Variants in SORCS1 observed in about 807,000 individuals in gnomAD.
SORCS1 encodes VPS10 domain-containing receptor SorCS1.
In SORCS1, 60 loss-of-function variants were observed where a neutral mutation model predicts 146.1. The ratio of observed to expected loss-of-function variants is 0.41; its 90% CI spans 0.33 to 0.51. SORCS1 has a LOEUF of 0.51. Ranked by LOEUF, SORCS1 falls within the 20% of genes least tolerant of loss-of-function variation. The pLI is 0.21. For synonymous variants in SORCS1, 637 were observed against 584.0 expected (o/e 1.09, Z -1.31); for missense variants, 1,352 against 1,487.6 (o/e 0.91, Z 1.50).
chr10:107,083,539 A>C (rs926349807), intron 1 of SORCS1, among the ~76,000 whole-genome samples: 2 of 152,156 alleles, frequency 1.3e-5, no homozygotes, highest in Admixed American at 6.5e-5. Context: ...CATGGGTCAT[A>C]CTTTTTTTCT....
chr10:106,936,997 A>G (rs898992437), intron 2 of SORCS1, among the ~76,000 whole-genome samples: 1 of 152,160 alleles, frequency 6.6e-6, no homozygotes. Flanking sequence ...AAGTACTAAT[A>G]ACCCCATTTA....
chr10:106,798,083 C>T (rs1001031230), intron 3 of SORCS1, among the ~76,000 whole-genome samples: 1 of 152,068 alleles, frequency 6.6e-6, no homozygotes, highest in Non-Finnish European at 1.5e-5. Context: ...TCCTGGGGGG[C>T]AGATCTTCTC....
At chr10:106,769,223 C>T (rs962131047) in intron 4 of SORCS1, among the ~76,000 whole-genome samples, 2 of 152,258 alleles carry the variant, frequency 1.3e-5, no homozygotes, top group African/African-American at 4.8e-5. Flanking sequence ...CGGTGGCTCA[C>T]GCTTGTAATC....
intron 1 of SORCS1, among the ~76,000 whole-genome samples, chr10:107,130,520 G>C (rs2134627069): frequency 6.6e-6 from 1 of 152,326 alleles, no homozygotes; most frequent in Non-Finnish European, 1.5e-5. Context: ...AACTTATTTA[G>C]AGTTGTAAAA....
At chr10:106,905,993 A>T (rs1951893055) in intron 2 of SORCS1, among the ~76,000 whole-genome samples, 1 of 151,884 alleles carries the variant, frequency 6.6e-6, no homozygotes, top group African/African-American at 2.4e-5. Context: ...AATCTCATCT[A>T]CCTCACATCA....
chr10:106,755,859 C>T (rs573921612), intron 5 of SORCS1, among the ~76,000 whole-genome samples: 20 of 152,164 alleles, frequency 1.3e-4, no homozygotes, highest in East Asian at 7.7e-4. Flanking sequence ...CTGGGCATGG[C>T]GGCCCACACC....
At position 107,164,127 on chromosome 10, in the gene SORCS1, C is replaced by G. The variant is rs907115285; in HGVS notation, c.400G>C (p.Asp134His). 1 of 1,613,574 alleles carries G rather than the reference C, an allele frequency of 6.2e-7. No homozygotes were observed. The highest frequency in any genetic ancestry group is 8.5e-7 in the Non-Finnish European group (1 of 1,180,016). ...GTCCCAGGCTCCTGCTGCCCTCCAT[C>G]TCTTAGCACTCCCCGGGGGCTCCGA... ...ASRSPRGVLRDGGQQEPGTRE... is the reference protein window; with the variant it reads ...ASRSPRGVLRHGGQQEPGTRE... Residue 134 changes from aspartate (D) to histidine (H), a missense_variant, in exon 1 of 26, where the codon GAT becomes CAT. By Grantham distance (81) the Asp-to-His change is moderately conservative. This residue lies in a region of SORCS1 where 490 missense variants were observed against 489.1 expected (regional missense o/e 1.00). Transcript: ENST00000263054. The surrounding 1 kb of genome is among the most constrained non-coding windows in gnomAD (Gnocchi z 6.8).
At chr10:106,743,284 C>A (rs191891022) in intron 5 of SORCS1, among the ~76,000 whole-genome samples, 1 of 152,048 alleles carries the variant, frequency 6.6e-6, no homozygotes, top group Non-Finnish European at 1.5e-5. Context: ...GAAAGAGAAG[C>A]CAGAGAGAGG....
At chr10:106,667,842 C>T (rs765472335) in intron 16 of SORCS1, 40 bp from the exon 17 acceptor site, 1 of 1,486,336 alleles carries the variant, frequency 6.7e-7, no homozygotes, top group Non-Finnish European at 9.3e-7. Flanking sequence ...CACTAGGTGG[C>T]AAAATTACTG....
chr10:106,630,125 T>C (rs953194138), intron 18 of SORCS1, among the ~76,000 whole-genome samples: 3 of 152,074 alleles, frequency 2.0e-5, no homozygotes, highest in Admixed American at 6.5e-5. Flanking sequence ...CCACTTCCTG[T>C]GTCTTCAAGA....
chr10:106,809,958 C>T (rs180861632), intron 3 of SORCS1, among the ~76,000 whole-genome samples: 18 of 152,246 alleles, frequency 1.2e-4, no homozygotes, highest in African/African-American at 1.9e-4. Flanking sequence ...CAGTGGCCCA[C>T]GCCTGTAATC....
chr10:107,070,316 T>G (rs1962305037), intron 1 of SORCS1, among the ~76,000 whole-genome samples: 1 of 152,236 alleles, frequency 6.6e-6, no homozygotes, highest in Admixed American at 6.5e-5. Context: ...TTGGTGTACA[T>G]AGCTAGGAGT....
intron 1 of SORCS1, among the ~76,000 whole-genome samples, chr10:107,149,634 T>TTG (rs1968607755): frequency 6.6e-6 from 1 of 152,224 alleles, no homozygotes; most frequent in Non-Finnish European, 1.5e-5. Flanking sequence ...GCATTCTTGA[T>TTG]TGTGTGTGTT....
intron 2 of SORCS1, among the ~76,000 whole-genome samples, chr10:106,902,659 C>T (rs1267236009): frequency 1.3e-5 from 2 of 152,152 alleles, no homozygotes; most frequent in Non-Finnish European, 2.9e-5. Context: ...TTTTTATTTA[C>T]ATGTATAAAA....
intron 15 of SORCS1, 64 bp from the exon 16 acceptor site, chr10:106,671,431 A>G: frequency 6.3e-7 from 1 of 1,599,638 alleles, no homozygotes; most frequent in South Asian, 1.1e-5. Flanking sequence ...GCTCCACATG[A>G]GTGACATTTA....
At position 107,058,780 on chromosome 10, in the gene SORCS1, A is replaced by G. The variant is rs539570646; in HGVS notation, c.559-102200T>C. Among the ~76,000 whole-genome samples, 4 of 152,368 alleles carry G rather than the reference A, an allele frequency of 2.6e-5. No homozygotes were observed. The South Asian group carries it at 6.2e-4, about 24-fold the overall frequency. ...ATCACAAATACTGGAATTACTAAAT[A>G]CCATTATATGAAAGTACTGGCTGAC... On this transcript the variant is annotated intron_variant, in intron 1 of 25. Transcript: ENST00000263054.
chr10:106,617,016 G>A (rs984811954), intron 21 of SORCS1, among the ~76,000 whole-genome samples: 11 of 150,802 alleles, frequency 7.3e-5, no homozygotes, highest in African/African-American at 1.5e-4. Flanking sequence ...GTGCAATGGC[G>A]CGATCTTGGT....
At chr10:107,151,071 A>T (rs1187987618) in intron 1 of SORCS1, among the ~76,000 whole-genome samples, 1 of 152,210 alleles carries the variant, frequency 6.6e-6, no homozygotes, top group Non-Finnish European at 1.5e-5. Context: ...AGGCTGGAAC[A>T]GTTTGGAGGG....
At chr10:106,579,123 A>C (rs765132820) in intron 25 of SORCS1, 2 of 1,614,098 alleles carry the variant, frequency 1.2e-6, no homozygotes, top group African/African-American at 1.3e-5. Context: ...CTCATCTATA[A>C]GCTGGCCAGG....
Sources: gnomAD v4.1 joint callset for allele counts (sites outside exome capture counted in the v4.1 genomes callset) on GRCh38, gnomAD v4.1.1 for gene constraint, gnomAD v4.1.1 regional missense constraint, Gnocchi (gnomAD v3.1) non-coding constraint, MANE v1.5 for transcripts, NCBI Gene and HGNC (gene_info 2026-07-23, HGNC 2026-07-21) for gene names.